NEMP2: variants seen among roughly 807,000 people sequenced by gnomAD.
NEMP2 encodes UPF0571 transmembrane protein.
NEMP2 carries 53 observed loss-of-function variants against 54.2 expected under a neutral mutation model. The ratio of observed to expected loss-of-function variants is 0.98; its 90% confidence interval spans 0.78 to 1.23. The LOEUF is 1.23. NEMP2 is among the 50% of genes most tolerant of loss of function. NEMP2 has a pLI of 0.00. For synonymous variants in NEMP2, 197 were observed against 190.3 expected, an observed-to-expected ratio of 1.04 and a Z score of -0.29; for missense variants, 455 against 511.3, an observed-to-expected ratio of 0.89 and a Z score of 1.06.
chr2:190,543,090 C>T, the NEMP2 span, among the ~76,000 whole-genome samples: 1 of 152,206 alleles, frequency 6.6e-6, no homozygotes, highest in Non-Finnish European at 1.5e-5. This position sits in a 1 kb window ranked among gnomAD's most constrained non-coding sequence, Gnocchi z 4.7. Flanking sequence ...CGTGACTAGG[C>T]TGCTATCTTC....
At chr2:190,583,490 T>C in the NEMP2 span, among the ~76,000 whole-genome samples, 2 of 152,218 alleles carry the variant, frequency 1.3e-5, no homozygotes, top group Non-Finnish European at 2.9e-5. Flanking sequence ...CTTAGATAAA[T>C]ACTGATTGTC....
the NEMP2 span, among the ~76,000 whole-genome samples, chr2:190,643,913 T>C: frequency 2.0e-5 from 3 of 152,042 alleles, no homozygotes; most frequent in Non-Finnish European, 4.4e-5. Context: ...GGTGACAGAG[T>C]GAGACCCTGT....
the NEMP2 span, among the ~76,000 whole-genome samples, chr2:190,424,223 G>T: frequency 7.2e-6 from 1 of 139,678 alleles, no homozygotes; most frequent in African/African-American, 2.8e-5. This position sits in a 1 kb window ranked among gnomAD's most constrained non-coding sequence, Gnocchi z 5.9. Context: ...AGAGGCTAAA[G>T]ATTTTCTTCT....
chr2:190,604,224 C>T, the NEMP2 span, among the ~76,000 whole-genome samples: 1 of 152,158 alleles, frequency 6.6e-6, no homozygotes, highest in Non-Finnish European at 1.5e-5. The surrounding 1 kb of genome is among the most constrained non-coding windows in gnomAD (Gnocchi z 4.5). Flanking sequence ...ACCCTGAAAA[C>T]CAACCCGAAC....
chr2:190,476,646 C>T, the NEMP2 span, among the ~76,000 whole-genome samples: 31 of 152,192 alleles, frequency 2.0e-4, no homozygotes, highest in African/African-American at 6.5e-4. Context: ...GTCAGTGTGG[C>T]GATTCCTCAG....
In NEMP2 at chr2:190,519,017, G is replaced by A. The variant is rs1690662143; in HGVS notation, c.380C>T (p.Thr127Ile). 9.7e-6 allele frequency: 15 copies of A among 1,551,210 alleles called. No individual in the cohort carries two copies. Among genetic ancestry groups the A allele is most frequent in the Non-Finnish European group, 1.2e-5 (14 of 1,146,958 alleles). ...ITIIINPYRE[T>I]VCFSVEPVKK... ...GACAGGCTCCACAGAGAAGCACACA[G>A]TCTCCCTGTATGGATTGATGATTAT... The change falls in exon 3 of 9, where the codon ACT becomes ATT. Residue 127 changes from threonine (T) to isoleucine (I), a missense_variant. Physicochemically the swap from Thr to Ile is moderately conservative, Grantham distance 89 (BLOSUM62 -1). This residue lies in a region of NEMP2 where 61 missense variants were observed against 97.5 expected (regional missense o/e 0.63). Coordinates refer to ENST00000409150, the MANE Select transcript of NEMP2 (RefSeq NM_001142645.2). This position sits in a 1 kb window ranked among gnomAD's most constrained non-coding sequence, Gnocchi z 5.4.
At chr2:190,540,067 G>A in the NEMP2 span, among the ~76,000 whole-genome samples, 1 of 151,946 alleles carries the variant, frequency 6.6e-6, no homozygotes, top group Non-Finnish European at 1.5e-5. Flanking sequence ...TCTCATCTAT[G>A]GCCCTTATTA....
the NEMP2 span, chr2:190,442,696 C>CT: frequency 6.6e-6 from 1 of 152,040 alleles, no homozygotes. Flanking sequence ...TTCCAAAAAT[C>CT]TAATAGGAAA....
At chr2:190,645,829 T>G in the NEMP2 span, among the ~76,000 whole-genome samples, 1 of 152,276 alleles carries the variant, frequency 6.6e-6, no homozygotes, top group African/African-American at 2.4e-5. Context: ...GTAGTTTTTA[T>G]ATTCATCTTT....
downstream of NEMP2, chr2:190,500,143 C>G: frequency 6.2e-7 from 1 of 1,614,130 alleles, no homozygotes; most frequent in Non-Finnish European, 8.5e-7. The surrounding 1 kb of genome is among the most constrained non-coding windows in gnomAD (Gnocchi z 5.3). Flanking sequence ...AGACCAGCCC[C>G]GCTCACCCCA....
chr2:190,440,818 T>C, the NEMP2 span, among the ~76,000 whole-genome samples: 2 of 152,144 alleles, frequency 1.3e-5, no homozygotes, highest in Non-Finnish European at 2.9e-5. Flanking sequence ...TAGCAAAATA[T>C]ACAAATGAAC....
the NEMP2 span, among the ~76,000 whole-genome samples, chr2:190,571,877 A>C: frequency 6.6e-6 from 1 of 152,010 alleles, no homozygotes; most frequent in African/African-American, 2.4e-5. Context: ...ACACAGTCTG[A>C]GTTTCCTGTT....
At chr2:190,429,368 C>T in the NEMP2 span, among the ~76,000 whole-genome samples, 1 of 151,596 alleles carries the variant, frequency 6.6e-6, no homozygotes, top group African/African-American at 2.4e-5. Flanking sequence ...CTCTGTCGCC[C>T]AGCCTGGAGT....
At chr2:190,599,640 T>C in the NEMP2 span, among the ~76,000 whole-genome samples, 1 of 152,190 alleles carries the variant, frequency 6.6e-6, no homozygotes, top group Non-Finnish European at 1.5e-5. Context: ...GTGCCCCTAG[T>C]CAGGAATCGG....
At chr2:190,435,824 C>T in the NEMP2 span, 35 of 628,560 alleles carry the variant, frequency 5.6e-5, no homozygotes, top group South Asian at 4.6e-4. Flanking sequence ...TTTTCCTTAC[C>T]GGTATTGTGT....
intron 1 of NEMP2, among the ~76,000 whole-genome samples, chr2:190,526,855 T>C (rs1690956899): frequency 6.6e-6 from 1 of 152,208 alleles, no homozygotes; most frequent in African/African-American, 2.4e-5. Flanking sequence ...TACCTAAATA[T>C]ATATGTATGC....
Position 190,518,943 on chromosome 2 carries a change from C to T in NEMP2, c.445+9G>A. 4 of 1,541,592 alleles carry T rather than the reference C, an allele frequency of 2.6e-6. No individual in the cohort carries two copies. Among genetic ancestry groups the T allele is most frequent in the Non-Finnish European group, 3.5e-6 (4 of 1,140,014 alleles). On this transcript the variant is annotated intron_variant, in intron 3 of 8. Coordinates refer to ENST00000409150, the MANE Select transcript of NEMP2 (RefSeq NM_001142645.2). Reference sequence around the variant, plus strand: ...TCCAGAAAGTCAAGTATAATAAAATCGGACTTACTGTTTCGATTCACATGT... The same window carrying T: ...TCCAGAAAGTCAAGTATAATAAAATTGGACTTACTGTTTCGATTCACATGT...
the NEMP2 span, among the ~76,000 whole-genome samples, chr2:190,565,039 C>T: frequency 6.6e-6 from 1 of 152,048 alleles, no homozygotes; most frequent in Non-Finnish European, 1.5e-5. Context: ...GGGTGAGGTA[C>T]GGAGTGCAAA....
At chr2:190,634,701 T>G in the NEMP2 span, among the ~76,000 whole-genome samples, 1 of 152,206 alleles carries the variant, frequency 6.6e-6, no homozygotes, top group Non-Finnish European at 1.5e-5. The surrounding 1 kb of genome is among the most constrained non-coding windows in gnomAD (Gnocchi z 6.8). Context: ...TCATATCCTC[T>G]GCAAAAGAAA....
Sources: gnomAD v4.1 joint callset for allele counts (sites outside exome capture counted in the v4.1 genomes callset) on GRCh38, gnomAD v4.1.1 for gene constraint, gnomAD v4.1.1 regional missense constraint, Gnocchi (gnomAD v3.1) non-coding constraint, MANE v1.5 for transcripts, NCBI Gene and HGNC (gene_info 2026-07-23, HGNC 2026-07-21) for gene names.